The following DUOX2 variants were observed in gnomAD, a reference collection of about 807,000 sequenced individuals.
DUOX2 encodes dual oxidase 2, also known as NADH/NADPH thyroid oxidase p138-tox.
A neutral mutation model predicts 183.3 loss-of-function variants in DUOX2; 185 were observed. The observed-to-expected ratio is 1.01, with a 90% CI of 0.90 to 1.14. DUOX2 has a LOEUF of 1.14. Ranked by LOEUF, DUOX2 falls within the 50% of genes most tolerant of loss-of-function variation. The pLI is 0.00. For missense variants in DUOX2, 1,999 were observed against 2,022.9 expected (o/e 0.99, Z 0.23); for synonymous variants, 788 against 812.4 (o/e 0.97, Z 0.51).
chr15:45,112,541 C>A lies in DUOX2; in HGVS notation c.325+13G>T, dbSNP rs201514147. Reference sequence around the variant, plus strand: ...GCCAGATCAACCCCACTGGTCTCCCCCTTTGCCCTCACCAAAGAAGACCCC... The same window carrying A: ...GCCAGATCAACCCCACTGGTCTCCCACTTTGCCCTCACCAAAGAAGACCCC... On this transcript the variant is annotated intron_variant, in intron 4 of 33. Coordinates refer to ENST00000389039, the MANE Select transcript of DUOX2 (RefSeq NM_001363711.2). 1 of 1,612,482 alleles carries A rather than the reference C, an allele frequency of 6.2e-7. No individual in the cohort carries two copies. Among genetic ancestry groups the A allele is most frequent in the Admixed American group, 1.7e-5 (1 of 60,002 alleles).
chr15:45,094,574 C>A lies in DUOX2; in HGVS notation c.4513G>T (p.Val1505Phe). 1 of 1,613,586 alleles carries A rather than the reference C, an allele frequency of 6.2e-7. No individual in the cohort carries two copies. Among genetic ancestry groups the A allele is most frequent in the Non-Finnish European group, 8.5e-7 (1 of 1,179,860 alleles). ...GGAGTGGGACTGACCTGTGGGTGGA[C>A]CTCCTGCAGGGAGTTGAAGAAGGGC... ...FEPFFNSLQE[V>F]HPQVRKIGVF... Residue 1505 changes from valine (V) to phenylalanine (F), a missense_variant, in exon 33 of 34, where the codon GTC becomes TTC. Val to Phe is a conservative substitution (Grantham distance 50). Coordinates refer to ENST00000389039, the MANE Select transcript of DUOX2 (RefSeq NM_001363711.2).
Position 45,099,807 on chromosome 15 carries a change from G to A in DUOX2, c.3270C>T (p.Val1090=). ...GCAAGATATAAGAGAACATGAAGGA[G>A]ACGCTGGCCGCCGTGCCTCGTGACA... The part of the protein sequence containing the change: ...IILSRGTAAS[V]SFMFSYILLT... Residue 1090 remains valine, a synonymous_variant, in exon 25 of 34, where the codon GTC becomes GTT. Transcript: ENST00000389039. 1 of 1,614,238 alleles carries A rather than the reference G, an allele frequency of 6.2e-7. No individual in the cohort carries two copies. The highest frequency in any genetic ancestry group is 8.5e-7 in the Non-Finnish European group (1 of 1,180,050).
In DUOX2 at chr15:45,106,630, G is replaced by A. The variant is rs764860888; in HGVS notation, c.1843C>T (p.Leu615Phe). The A allele has an allele frequency of 1.1e-5, 18 of 1,614,086 alleles. No homozygotes were observed. In the South Asian group the frequency reaches 1.8e-4, roughly 16 times the overall value. The change falls in exon 16 of 34, where the codon CTC (leucine) becomes TTC (phenylalanine). Residue 615 changes from leucine to phenylalanine, a missense_variant. By Grantham distance (22) the Leu-to-Phe change is conservative. Around this residue, in one of 3 missense-constraint regions of DUOX2, gnomAD observed 1,628 missense variants for 1,608.6 expected, o/e 1.01. Transcript: ENST00000389039. ...LCCLPLVSLL[L>F]SGVVAYFRGR... ...CGGAAATAGGCCACCACTCCAGAGA[G>A]AAGCAGACTCACTGAAGTGGATCAG...
At position 45,110,026 on chromosome 15, in the gene DUOX2, T is replaced by A. The variant is rs1178894103; in HGVS notation, c.1041-46A>T. 6 of 1,584,008 alleles carry A rather than the reference T, an allele frequency of 3.8e-6. No homozygotes were observed. The South Asian group carries it at 4.4e-5, about 12-fold the overall frequency. On this transcript the variant is annotated intron_variant, in intron 9 of 33. Transcript: ENST00000389039. ...TGTGGTGAGGGAATTTGGAGAAGAA[T>A]CAAAGATGGGGTTGAGTGGGCTGAG...
chr15:45,106,063 T>G, intron 17 of DUOX2, 62 bp downstream of exon 17: 1 of 1,589,468 alleles, frequency 6.3e-7, no homozygotes, highest in South Asian at 1.1e-5. Flanking sequence ...TAGGGTGGCC[T>G]CGCTTGTGAT....
In DUOX2 at chr15:45,107,432, G is replaced by A. The variant is rs368967911; in HGVS notation, c.1606C>T (p.Arg536Ter). ...LFSKKEIEDI[R>*]NTTLRDVLVA... Reference sequence around the variant, plus strand: ...AGCACGTCCCGCAGGGTGGTATTTCGGATGTCTTCAATCTCCTTCTTGGAG... The same window carrying A: ...AGCACGTCCCGCAGGGTGGTATTTCAGATGTCTTCAATCTCCTTCTTGGAG... Residue 536 changes from arginine to a stop codon, truncating the protein, a stop_gained, in exon 14 of 34, where the codon CGA (arginine) becomes TGA (stop). Transcript: ENST00000389039. LOFTEE classifies it high-confidence loss of function. 30 of 1,614,178 alleles carry A rather than the reference G, an allele frequency of 1.9e-5. No homozygotes were observed. Among genetic ancestry groups the A allele is most frequent in the African/African-American group, 6.7e-5 (5 of 75,046 alleles).
At chr15:45,097,415 A>C (rs756757978) in intron 28 of DUOX2, 24 bp from the exon 29 acceptor site, 8 of 1,614,058 alleles carry the variant, frequency 5.0e-6, no homozygotes, top group Admixed American at 1.7e-5. Context: ...CAGTTAGTAC[A>C]ACTCAGGCCC....
intron 22 of DUOX2, 32 bp downstream of exon 22, chr15:45,101,173 G>A (rs754451450): frequency 9.3e-6 from 15 of 1,606,620 alleles, no homozygotes; most frequent in Non-Finnish European, 1.3e-5. Flanking sequence ...GGCTCAGCCA[G>A]GCCAACCTGC....
chr15:45,101,256 T>C lies in DUOX2; in HGVS notation c.2870A>G (p.Lys957Arg), dbSNP rs1421195956. ...CGAGACTCGACAGCTGATGTTTTGT[T>C]TAAAGATATCTCTAATACCTAGAGA... Reference protein sequence around the residue: ...GGGNGIRDIFKQNISCRVSFI... With the variant: ...GGGNGIRDIFRQNISCRVSFI... Residue 957 changes from lysine to arginine, a missense_variant, in exon 22 of 34, where the codon AAA (lysine) becomes AGA (arginine). By Grantham distance (26) the Lys-to-Arg change is conservative. Transcript: ENST00000389039. 1 of 1,613,542 alleles carries C rather than the reference T, an allele frequency of 6.2e-7. No individual in the cohort carries two copies.
At chr15:45,098,713 T>A (rs1403567858) in intron 26 of DUOX2, among the ~76,000 whole-genome samples, 1 of 152,040 alleles carries the variant, frequency 6.6e-6, no homozygotes, top group African/African-American at 2.4e-5. Context: ...TTCCTTTTTT[T>A]TTTTTTCAAG....
chr15:45,108,935 C>G lies in DUOX2; in HGVS notation c.1252G>C (p.Gly418Arg). 1 of 1,614,218 alleles carries G rather than the reference C, an allele frequency of 6.2e-7. No individual in the cohort carries two copies. Among genetic ancestry groups the G allele is most frequent in the East Asian group, 2.2e-5 (1 of 44,880 alleles). Residue 418 changes from glycine (G) to arginine (R), a missense_variant, in exon 12 of 34, where the codon GGC becomes CGC. By Grantham distance (125) the Gly-to-Arg change is moderately radical. Transcript: ENST00000389039. The part of the protein sequence containing the change: ...EDLRDYWPGP[G>R]KFSRTDYVAS... Reference sequence around the variant, plus strand: ...ACATAGTCTGTACGGGAGAATTTGCCAGGGCCAGGCCAGTAATCTGAAGAG... The same window carrying G: ...ACATAGTCTGTACGGGAGAATTTGCGAGGGCCAGGCCAGTAATCTGAAGAG...
intron 20 of DUOX2, 38 bp from the exon 21 acceptor site, chr15:45,102,027 G>C (rs1298390685): frequency 6.2e-7 from 1 of 1,610,646 alleles, no homozygotes; most frequent in Admixed American, 1.7e-5. Flanking sequence ...CTGTCACCCA[G>C]CAAGGTCAGG....
Position 45,106,156 on chromosome 15 carries a change from A to G in DUOX2, c.2117T>C (p.Leu706Pro), listed in dbSNP as rs1049659523. 5.0e-6 allele frequency: 8 copies of G among 1,614,216 alleles called. No homozygotes were observed. The highest frequency in any genetic ancestry group is 6.8e-6 in the Non-Finnish European group (8 of 1,180,034). The change falls in exon 17 of 34, where the codon CTG becomes CCG. Residue 706 changes from leucine to proline, a missense_variant. Physicochemically the swap from Leu to Pro is moderately conservative, Grantham distance 98. This residue lies in a region of DUOX2 where 1,628 missense variants were observed against 1,608.6 expected (regional missense o/e 1.01). Coordinates refer to ENST00000389039, the MANE Select transcript of DUOX2 (RefSeq NM_001363711.2). ...ILSNNRGCRTLLLKIPKEYDL... is the reference protein window; with the variant it reads ...ILSNNRGCRTPLLKIPKEYDL... ...ATACTCCTTAGGGATCTTGAGCAGC[A>G]GGGTGCGGCATCCTCGGTTGTTGGA...
Position 45,099,706 on chromosome 15 carries a change from A to G in DUOX2, c.3371T>C (p.Val1124Ala). The stretch of plus-strand genomic sequence containing the variant: ...CATGGCGATCCAGCGGTGGAAGTCC[A>G]CTGCGGCATCAAAAGGCACATAGCG... ...LNRYVPFDAA[V>A]DFHRWIAMAA... is the part of the protein sequence containing the mutation. The change falls in exon 25 of 34, where the codon GTG becomes GCG. Residue 1124 changes from valine (V) to alanine (A), a missense_variant. Transcript: ENST00000389039. 6.2e-7 allele frequency: 1 copy of G among 1,614,228 alleles called. No homozygotes were observed.
intron 14 of DUOX2, 115 bp downstream of exon 14, chr15:45,107,230 G>T: frequency 7.2e-7 from 1 of 1,392,442 alleles, no homozygotes; most frequent in Non-Finnish European, 1.0e-6. Context: ...AGGCCTCCTA[G>T]CCCAACACAG....
At chr15:45,113,565 A>G in intron 1 of DUOX2, 140 bp from the exon 2 acceptor site, 1 of 700,182 alleles carries the variant, frequency 1.4e-6, no homozygotes. Context: ...AGCTGTTAGA[A>G]GCATCACCGA....
Position 45,106,130 on chromosome 15 carries a change from C to A in DUOX2, c.2143G>T (p.Asp715Tyr). 6.2e-7 allele frequency: 1 copy of A among 1,614,152 alleles called. No individual in the cohort carries two copies. The highest frequency in any genetic ancestry group is 1.1e-5 in the South Asian group (1 of 91,054). ...GGAGGCAGGACGAGCCATACCAGGTCATACTCCTTAGGGATCTTGAGCAGC... is the reference window on the plus strand; with the variant it reads ...GGAGGCAGGACGAGCCATACCAGGTAATACTCCTTAGGGATCTTGAGCAGC... Reference protein sequence around the residue: ...TLLLKIPKEYDLVLLFSSEEE... With the variant: ...TLLLKIPKEYYLVLLFSSEEE... The change falls in exon 17 of 34, where the codon GAC (aspartate) becomes TAC (tyrosine). Residue 715 changes from aspartate (D) to tyrosine (Y), a missense_variant. Asp to Tyr is a radical substitution (Grantham distance 160). Coordinates refer to ENST00000389039, the MANE Select transcript of DUOX2 (RefSeq NM_001363711.2).
At position 45,101,875 on chromosome 15, in the gene DUOX2, A is replaced by G. The variant is rs1439443496; in HGVS notation, c.2769T>C (p.Asp923=). The part of the protein sequence containing the change: ...FQDKEELTWE[D]FHFMLRDHDS... ...CATGGTCCCGCAGCATGAAGTGAAAATCCTCCCATGTCAGCTCCTCCTTGT... is the reference window on the plus strand; with the variant it reads ...CATGGTCCCGCAGCATGAAGTGAAAGTCCTCCCATGTCAGCTCCTCCTTGT... The change falls in exon 21 of 34, where the codon GAT becomes GAC. Residue 923 remains aspartate (D), a synonymous_variant. Transcript: ENST00000389039. 1 of 1,613,938 alleles carries G rather than the reference A, an allele frequency of 6.2e-7. No individual in the cohort carries two copies. The highest frequency in any genetic ancestry group is 2.2e-5 in the East Asian group (1 of 44,896).
At position 45,106,847 on chromosome 15, in the gene DUOX2, A is replaced by C. The variant is rs1410863080; in HGVS notation, c.1816T>G (p.Cys606Gly). 6.3e-7 allele frequency: 1 copy of C among 1,594,286 alleles called. No homozygotes were observed. The highest frequency in any genetic ancestry group is 1.8e-5 in the Admixed American group (1 of 55,222). ...PGFAITIIAL[C>G]CLPLVSLLLS... ...AAGAGCTCACCTAAGGGAAGGCAGCAGAGAGCAATGATGGTGATGGCAAAA... is the reference window on the plus strand; with the variant it reads ...AAGAGCTCACCTAAGGGAAGGCAGCCGAGAGCAATGATGGTGATGGCAAAA... Residue 606 changes from cysteine (C) to glycine (G), a missense_variant, in exon 15 of 34, where the codon TGC (cysteine) becomes GGC (glycine). Transcript: ENST00000389039.
Sources: gnomAD v4.1 joint callset for allele counts (sites outside exome capture counted in the v4.1 genomes callset) on GRCh38, gnomAD v4.1.1 for gene constraint, gnomAD v4.1.1 regional missense constraint, MANE v1.5 for transcripts, NCBI Gene and HGNC (gene_info 2026-07-23, HGNC 2026-07-21) for gene names.